IL21R: variants seen among roughly 807,000 people sequenced by gnomAD.
IL21R encodes interleukin-21 receptor.
Under a neutral mutation model 41.3 loss-of-function variants are expected in IL21R, and 14 were observed. The observed-to-expected ratio is 0.34, with a 90% CI of 0.22 to 0.53. The LOEUF (loss-of-function observed/expected upper bound fraction) is 0.53. Ranked by LOEUF, IL21R falls within the 20% of genes least tolerant of loss-of-function variation. The pLI, the probability that IL21R is intolerant of heterozygous loss-of-function variation, is 0.94. For missense variants in IL21R, 588 were observed against 681.6 expected (o/e 0.86, Z 1.53); for synonymous variants, 286 against 287.6 (o/e 0.99, Z 0.05).
rs1412699457 is a variant in IL21R at position 27,451,730 on chromosome 16, A to G, written c.*2447A>G. 4.4e-6 allele frequency: 1 copy of G among 228,730 alleles called. No individual in the cohort carries two copies. Among genetic ancestry groups the G allele is most frequent in the Non-Finnish European group, 8.7e-6 (1 of 115,190 alleles). 14.2% of individuals were successfully genotyped at this position (228,730 alleles called of 1,614,324 possible). On this transcript the variant is annotated 3_prime_UTR_variant, in exon 9 of 9. Coordinates refer to ENST00000337929, the MANE Select transcript of IL21R (RefSeq NM_181078.3). Reference sequence around the variant, plus strand: ...CAAGACCCTGTCTCTTAAAAATAAAAGTTGGAGACAAGAGCTGGCTCACCT... The same window carrying G: ...CAAGACCCTGTCTCTTAAAAATAAAGGTTGGAGACAAGAGCTGGCTCACCT...
At chr16:27,442,843 A>G (rs902622927) in intron 4 of IL21R, 119 bp from the exon 5 acceptor site, 2 of 894,488 alleles carry the variant, frequency 2.2e-6, no homozygotes, top group Non-Finnish European at 3.4e-6. Context: ...CATCTCATCC[A>G]TGATGGGTCA....
At chr16:27,418,006 ATTTTATTTATTTTATTTTAT>A (rs552689766) in intron 1 of IL21R, among the ~76,000 whole-genome samples, 12,234 of 86,506 alleles carry the variant, frequency 0.14, 765 homozygotes, top group East Asian at 0.45. Flanking sequence ...CATTTTTCCT[ATTTTATTTATTTTATTTTAT>A]TTTATTTTAT....
At chr16:27,426,828 C>T (rs2087085296) in intron 1 of IL21R, among the ~76,000 whole-genome samples, 1 of 152,204 alleles carries the variant, frequency 6.6e-6, no homozygotes, top group African/African-American at 2.4e-5. Context: ...CTCAACTCCA[C>T]TGTGTCAGGG....
At chr16:27,403,653 G>C (rs1219622021) in intron 1 of IL21R, among the ~76,000 whole-genome samples, 2 of 152,224 alleles carry the variant, frequency 1.3e-5, no homozygotes. Flanking sequence ...GGGGACCTCA[G>C]GGCCGAACAG....
intron 1 of IL21R, among the ~76,000 whole-genome samples, chr16:27,413,779 T>C (rs2086854887): frequency 6.6e-6 from 1 of 152,006 alleles, no homozygotes; most frequent in Admixed American, 6.6e-5. Context: ...CTCTGTGACA[T>C]AGTTACAATG....
intron 1 of IL21R, among the ~76,000 whole-genome samples, chr16:27,406,094 G>A (rs1465261308): frequency 2.6e-5 from 4 of 152,278 alleles, no homozygotes; most frequent in Non-Finnish European, 2.9e-5. Flanking sequence ...TGACTAGGAC[G>A]AGGGCTTGCC....
In IL21R at chr16:27,445,232, C is replaced by G. The variant is rs766649549; in HGVS notation, c.741C>G (p.Val247=). 1.7e-5 allele frequency: 28 copies of G among 1,613,992 alleles called. No individual in the cohort carries two copies. The African/African-American group carries it at 3.6e-4, about 21-fold the overall frequency. ...TGCTTCTCCTCCTGCTTGTCATAGT[C>G]TTCATTCCTGCCTTCTGGAGCCTGA... ...HLLLLLLLVI[V]FIPAFWSLKT... The change falls in exon 7 of 9, where the codon GTC becomes GTG. Residue 247 remains valine, a synonymous_variant. Transcript: ENST00000337929.
chr16:27,432,013 G>T (rs1209007033), intron 2 of IL21R, among the ~76,000 whole-genome samples: 1 of 152,120 alleles, frequency 6.6e-6, no homozygotes, highest in Admixed American at 6.5e-5. Context: ...CATGGCAGAA[G>T]GGCAAAAAGG....
At position 27,440,240 on chromosome 16, in the gene IL21R, T is replaced by TAG. The variant is rs1466692820; in HGVS notation, c.352+2554_352+2555insGA. 7.8e-3 allele frequency among the ~76,000 whole-genome samples: 688 copies of TAG among 88,638 alleles called. 4 individuals are homozygous for TAG. The highest frequency in any genetic ancestry group is 0.013 in the Admixed American group (116 of 8,668). The allele number at this position is 88,638 out of a possible 152,430, so 58.1% of individuals were successfully genotyped here. On this transcript the variant is annotated intron_variant, in intron 4 of 8. Transcript: ENST00000337929. ...TCTGACAAATATATATATATATATA[T>TAG]ATATATATAGAGAGAGAGAGAGAGA... is the stretch of plus-strand genomic sequence containing the variant.
intron 2 of IL21R, among the ~76,000 whole-genome samples, chr16:27,431,826 T>C (rs756634708): frequency 3.9e-5 from 6 of 152,258 alleles, no homozygotes; most frequent in Middle Eastern, 6.8e-3. Context: ...GTATTTTTAG[T>C]AGAGTTGGGG....
intron 8 of IL21R, 31 bp downstream of exon 8, chr16:27,446,119 G>C (rs182090846): frequency 1.9e-6 from 3 of 1,586,134 alleles, no homozygotes; most frequent in South Asian, 2.2e-5. Context: ...TGAGCTCCTC[G>C]GAGCCCCTCC....
Position 27,451,478 on chromosome 16 carries a change from G to A in IL21R, c.*2195G>A, listed in dbSNP as rs1258298780. On this transcript the variant is annotated 3_prime_UTR_variant, in exon 9 of 9. Transcript: ENST00000337929. ...GATCTCAGCACTTTGGGAGGCCAAGGAAGGTGGATCACTTGAGGCCAGGAG... is the reference window on the plus strand; with the variant it reads ...GATCTCAGCACTTTGGGAGGCCAAGAAAGGTGGATCACTTGAGGCCAGGAG... The A allele has an allele frequency of 9.3e-6, 2 of 214,582 alleles. No homozygotes were observed. Among genetic ancestry groups the A allele is most frequent in the Non-Finnish European group, 1.9e-5 (2 of 106,396 alleles). The allele number at this position is 214,582 out of a possible 1,614,324, so 13.3% of individuals were successfully genotyped here.
intron 1 of IL21R, among the ~76,000 whole-genome samples, chr16:27,425,612 G>T (rs1279872610): frequency 6.6e-6 from 1 of 151,814 alleles, no homozygotes; most frequent in African/African-American, 2.4e-5. Context: ...GAGTACAGTG[G>T]TGTAATCTCT....
chr16:27,410,711 A>G (rs1467416318), intron 1 of IL21R, among the ~76,000 whole-genome samples: 1 of 152,198 alleles, frequency 6.6e-6, no homozygotes, highest in Non-Finnish European at 1.5e-5. Context: ...AACAATTTTT[A>G]GATGTGCAGT....
intron 8 of IL21R, chr16:27,447,726 C>T (rs2087507385): frequency 6.6e-6 from 1 of 152,264 alleles, no homozygotes; most frequent in African/African-American, 2.4e-5. Context: ...GGGCTACAGC[C>T]ATGGACAGAA....
chr16:27,403,124 G>A (rs1476959825), intron 1 of IL21R: 1 of 801,222 alleles, frequency 1.2e-6, no homozygotes, highest in South Asian at 1.4e-5. Flanking sequence ...TTCCCTCGGT[G>A]ACTCAACTGG....
intron 4 of IL21R, among the ~76,000 whole-genome samples, chr16:27,441,493 C>G (rs2087387960): frequency 6.6e-6 from 1 of 152,190 alleles, no homozygotes; most frequent in South Asian, 2.1e-4. Flanking sequence ...ATTGGCCTCC[C>G]AGGGCCACTG....
rs1031586878 is a variant in IL21R, at chr16:27,450,198, T to A, written c.*915T>A. ...GGGGGGTTTCCAGGCTTAAAATCAG[T>A]CCGTTTCGTCTCTTGGAAACAGCTC... On this transcript the variant is annotated 3_prime_UTR_variant, in exon 9 of 9. Coordinates refer to ENST00000337929, the MANE Select transcript of IL21R (RefSeq NM_181078.3). The A allele has an allele frequency of 4.3e-6, 1 of 232,880 alleles. No individual in the cohort carries two copies. Among genetic ancestry groups the A allele is most frequent in the African/African-American group, 2.2e-5 (1 of 45,322 alleles). The allele number at this position is 232,880 out of a possible 1,614,324, so 14.4% of individuals were successfully genotyped here. A position where few individuals can be genotyped will look rare whatever the true frequency, so the allele number is the denominator to read the frequency against.
chr16:27,415,309 T>C (rs1014617681), intron 1 of IL21R, among the ~76,000 whole-genome samples: 1 of 152,168 alleles, frequency 6.6e-6, no homozygotes, highest in African/African-American at 2.4e-5. Context: ...AATTTTAAAC[T>C]AATAGGATCA....
Sources: gnomAD v4.1 joint callset for allele counts (sites outside exome capture counted in the v4.1 genomes callset) on GRCh38, gnomAD v4.1.1 for gene constraint, MANE v1.5 for transcripts, NCBI Gene and HGNC (gene_info 2026-07-23, HGNC 2026-07-21) for gene names.